The following MID1 variants were observed in gnomAD, a reference collection of about 807,000 sequenced individuals.
The protein encoded by MID1 is midline 1, also known as E3 ubiquitin-protein ligase Midline-1.
Under a neutral mutation model 40.4 loss-of-function variants are expected in MID1, and 7 were observed. The observed-to-expected ratio is 0.17, with a 90% CI of 0.10 to 0.33. The LOEUF (loss-of-function observed/expected upper bound fraction) is 0.33. Among genes scored for constraint, MID1 ranks in the 10% least tolerant of loss-of-function variants. The probability of loss-of-function intolerance (pLI) is 1.00; values close to 1 mark genes in which losing one functional copy is unlikely to be tolerated. For missense variants in MID1, 367 were observed against 558.5 expected (o/e 0.66, Z 3.46); for synonymous variants, 229 against 221.2 (o/e 1.04, Z -0.31).
At chrX:10,581,177 A>AG (rs1385847226) in intron 1 of MID1, among the ~76,000 whole-genome samples, 1 of 111,337 alleles carries the variant, frequency 9.0e-6, no homozygotes, top group Non-Finnish European at 1.9e-5. Flanking sequence ...TGAACCTGGG[A>AG]GGCGGAGGTT....
At chrX:10,786,499 G>C (rs1430676060) in intron 1 of MID1, among the ~76,000 whole-genome samples, 2 of 110,831 alleles carry the variant, frequency 1.8e-5, no homozygotes, top group African/African-American at 6.6e-5. Context: ...AATCATGCTG[G>C]TATAAAGACA....
At chrX:10,758,682 G>A (rs1355300175) in intron 1 of MID1, among the ~76,000 whole-genome samples, 3 of 107,685 alleles carry the variant, frequency 2.8e-5, no homozygotes, top group African/African-American at 1.0e-4. Flanking sequence ...TAGTAGAGAC[G>A]GGGTTTCACC....
intron 6 of MID1, among the ~76,000 whole-genome samples, chrX:10,470,166 T>C (rs900607398): frequency 8.9e-6 from 1 of 112,407 alleles, no homozygotes; most frequent in African/African-American, 3.2e-5. Context: ...TAAAGTTTCA[T>C]AGCTGCATTC....
rs200851924 is a variant in MID1, at chrX:10,747,958, TTTTC to T, written c.-187+85592_-187+85595del. Among the ~76,000 whole-genome samples the T allele has an allele frequency of 6.4e-3, 715 of 111,620 alleles. 8 individuals carry two copies. The highest frequency in any genetic ancestry group is 0.022 in the African/African-American group (662 of 30,743). ...TACAGGGGAAATAAGAGGGACTTCT[TTTTC>T]TTTCTTTCTTTCTTTTTTTTTTCTA... On this transcript the variant is annotated intron_variant, in intron 1 of 10. Coordinates refer to the MID1 transcript ENST00000380785.
chrX:10,650,340 A>G (rs1936304143), intron 1 of MID1, among the ~76,000 whole-genome samples: 1 of 110,586 alleles, frequency 9.0e-6, no homozygotes, highest in Non-Finnish European at 1.9e-5. Flanking sequence ...AAGAAGAACA[A>G]TTACTTCTCC....
chrX:10,763,269 C>A (rs915354082), intron 1 of MID1, among the ~76,000 whole-genome samples: 2 of 109,655 alleles, frequency 1.8e-5, no homozygotes, highest in Non-Finnish European at 3.8e-5. Flanking sequence ...ACCCATCAAC[C>A]CGTCATCTAA....
intron 1 of MID1, among the ~76,000 whole-genome samples, chrX:10,583,104 T>C (rs1935055877): frequency 9.0e-6 from 1 of 111,642 alleles, no homozygotes; most frequent in Non-Finnish European, 1.9e-5. Context: ...TTCATTCCAC[T>C]GGTATTTTTT....
At chrX:10,489,819 C>T (rs1930836838) in intron 4 of MID1, among the ~76,000 whole-genome samples, 1 of 109,539 alleles carries the variant, frequency 9.1e-6, no homozygotes, top group Non-Finnish European at 1.9e-5. Flanking sequence ...CCTCAGCCTC[C>T]TGAGTAGCTG....
At chrX:10,627,451 C>A (rs776205994) in intron 1 of MID1, among the ~76,000 whole-genome samples, 7 of 112,059 alleles carry the variant, frequency 6.2e-5, no homozygotes, top group African/African-American at 2.3e-4. Flanking sequence ...TCTTTTAGAT[C>A]TCCAGGAATG....
intron 1 of MID1, among the ~76,000 whole-genome samples, chrX:10,699,064 T>C (rs2043178806): frequency 8.9e-6 from 1 of 112,166 alleles, no homozygotes; most frequent in African/African-American, 3.2e-5. Flanking sequence ...AGGCCCTGGC[T>C]CTGACTACTT....
intron 3 of MID1, among the ~76,000 whole-genome samples, chrX:10,514,157 T>C (rs955504481): frequency 8.9e-5 from 10 of 111,854 alleles, no homozygotes; most frequent in Non-Finnish European, 1.7e-4. Context: ...CACGTACAAG[T>C]GTTCATACTC....
At chrX:10,607,607 T>C (rs917361785) in intron 1 of MID1, among the ~76,000 whole-genome samples, 2 of 112,682 alleles carry the variant, frequency 1.8e-5, no homozygotes, top group Admixed American at 9.4e-5. Context: ...TCTACATGTA[T>C]ATTGACAATG....
intron 1 of MID1, among the ~76,000 whole-genome samples, chrX:10,745,853 A>G (rs2043553800): frequency 8.9e-6 from 1 of 112,454 alleles, no homozygotes; most frequent in Non-Finnish European, 1.9e-5. Flanking sequence ...ACACATGTAA[A>G]GAAGGGGGTT....
chrX:10,575,692 T>C, intron 1 of MID1, among the ~76,000 whole-genome samples: 1 of 110,838 alleles, frequency 9.0e-6, no homozygotes, highest in Non-Finnish European at 1.9e-5. Flanking sequence ...GGCCATGAAC[T>C]GATGGAAAAA....
At position 10,447,484 on chromosome X, in the gene MID1, C is replaced by G. The variant is rs1928089300; in HGVS notation, c.*1884G>C. The G allele has an allele frequency of 9.0e-6, 1 of 111,460 alleles. No individual in the cohort carries two copies. Among genetic ancestry groups the G allele is most frequent in the African/African-American group, 3.3e-5 (1 of 30,667 alleles). 9.2% of individuals were successfully genotyped at this position (111,460 alleles called of 1,213,427 possible). A position where few individuals can be genotyped will look rare whatever the true frequency, so the allele number is the denominator to read the frequency against. ...GTATGTAAAAATTACTGAGACAACC[C>G]TTTCAGTTTACTCAGAGAAGGCAAA... On this transcript the variant is annotated 3_prime_UTR_variant, in exon 10 of 10. Transcript: ENST00000317552.
chrX:10,594,726 G>C (rs1935378950), intron 1 of MID1, among the ~76,000 whole-genome samples: 1 of 111,743 alleles, frequency 8.9e-6, no homozygotes, highest in African/African-American at 3.3e-5. Flanking sequence ...TTAGAAAAGG[G>C]CAAAAAGGTC....
At chrX:10,453,696 G>A (rs909688998) in intron 9 of MID1, among the ~76,000 whole-genome samples, 7 of 111,861 alleles carry the variant, frequency 6.3e-5, no homozygotes, top group African/African-American at 1.6e-4. Flanking sequence ...CAGAAGAGTC[G>A]AGTATTAGTG....
At chrX:10,495,421 A>T (rs1862294813) in intron 4 of MID1, among the ~76,000 whole-genome samples, 163 bp downstream of exon 4, 1 of 111,469 alleles carries the variant, frequency 9.0e-6, no homozygotes, top group African/African-American at 3.3e-5. Flanking sequence ...ATGGAGAAAA[A>T]ACTGCCAAGC....
chrX:10,826,309 A>G (rs1367024665), intron 1 of MID1, among the ~76,000 whole-genome samples: 1 of 111,110 alleles, frequency 9.0e-6, no homozygotes, highest in Non-Finnish European at 1.9e-5. Flanking sequence ...CATCTCTACC[A>G]CCACGATATT....
Sources: allele counts gnomAD v4.1 joint callset (sites outside exome capture counted in the v4.1 genomes callset), GRCh38; gene constraint gnomAD v4.1.1; transcripts MANE v1.5; gene names NCBI Gene and HGNC (gene_info 2026-07-23, HGNC 2026-07-21).